The following ATL2 variants were observed in gnomAD, a reference collection of about 807,000 sequenced individuals.
ATL2 encodes the protein atlastin-2.
In ATL2, 31 loss-of-function variants were observed where a neutral mutation model predicts 73.9. The ratio of observed to expected loss-of-function variants is 0.42; its 90% CI spans 0.32 to 0.57. ATL2 has a LOEUF of 0.57. Among genes scored for constraint, ATL2 ranks in the 20% least tolerant of loss-of-function variants. The pLI is 0.14. For synonymous variants in ATL2, 291 were observed against 237.5 expected (o/e 1.23, Z -2.07); for missense variants, 738 against 702.6 (o/e 1.05, Z -0.57).
intron 1 of ATL2, among the ~76,000 whole-genome samples, chr2:38,351,739 C>T (rs539655060): frequency 2.6e-5 from 4 of 151,974 alleles, no homozygotes; most frequent in East Asian, 1.9e-4. Context: ...GCGATCCACC[C>T]GCCTCCGCCT....
chr2:38,300,280 T>A lies in ATL2; in HGVS notation c.1120A>T (p.Met374Leu), dbSNP rs986051692. Residue 374 changes from methionine to leucine, a missense_variant, in exon 10 of 13, where the codon ATG (methionine) becomes TTG (leucine). Physicochemically the swap from Met to Leu is conservative, Grantham distance 15. Transcript: ENST00000378954. ...QGEELPHPKS[M>L]LQATAEANNL... ...ACTCTCTCTCTCTCTACCTGAAGCATGGACTTTGGATGTGGAAGTTCTTCT... is the reference window on the plus strand; with the variant it reads ...ACTCTCTCTCTCTCTACCTGAAGCAAGGACTTTGGATGTGGAAGTTCTTCT... The A allele has an allele frequency of 4.4e-6, 7 of 1,601,404 alleles. No individual in the cohort carries two copies. The highest frequency in any genetic ancestry group is 6.0e-6 in the Non-Finnish European group (7 of 1,168,996).
At chr2:38,328,969 AAAG>A (rs749089346) in intron 2 of ATL2, among the ~76,000 whole-genome samples, 3 of 151,908 alleles carry the variant, frequency 2.0e-5, no homozygotes, top group Non-Finnish European at 2.9e-5. Flanking sequence ...ATCAGAAATC[AAAG>A]AAGAATCTTC....
intron 9 of ATL2, among the ~76,000 whole-genome samples, chr2:38,309,109 G>A (rs576660613): frequency 6.6e-6 from 1 of 152,226 alleles, no homozygotes; most frequent in South Asian, 2.1e-4. Flanking sequence ...ATTAGAGTAT[G>A]ATGAATGGCT....
At chr2:38,324,047 G>A (rs1396082473) in intron 2 of ATL2, among the ~76,000 whole-genome samples, 3 of 152,182 alleles carry the variant, frequency 2.0e-5, no homozygotes, top group South Asian at 2.1e-4. Flanking sequence ...AAGCCGAGGC[G>A]GGCGGATCAC....
intron 1 of ATL2, among the ~76,000 whole-genome samples, chr2:38,373,541 T>C (rs1558466389): frequency 6.6e-6 from 1 of 152,182 alleles, no homozygotes; most frequent in Admixed American, 6.5e-5. Context: ...TGTTAGTCTT[T>C]TATGACTTAA....
At chr2:38,296,728 A>T (rs1298514775) in intron 12 of ATL2, 1 of 1,551,206 alleles carries the variant, frequency 6.4e-7, no homozygotes, top group East Asian at 2.4e-5. Context: ...AGAAATGCAA[A>T]GAAATTTAGA....
chr2:38,356,204 T>C (rs1030351375), intron 1 of ATL2, among the ~76,000 whole-genome samples: 11 of 152,144 alleles, frequency 7.2e-5, no homozygotes, highest in African/African-American at 2.4e-4. Flanking sequence ...CTACTCAGTA[T>C]TTTTTACTTT....
chr2:38,325,162 G>C (rs912210817), intron 2 of ATL2, among the ~76,000 whole-genome samples: 3 of 152,216 alleles, frequency 2.0e-5, no homozygotes, highest in Non-Finnish European at 2.9e-5. Context: ...TGGACTTCCA[G>C]TGTCAGCTTT....
intron 2 of ATL2, 78 bp downstream of exon 2, chr2:38,343,178 AGATATAGTTCTG>A: frequency 5.9e-6 from 2 of 341,304 alleles, no homozygotes; most frequent in Non-Finnish European, 1.0e-5. Context: ...AAAAAAAAAA[AGATATAGTTCTG>A]GTTTTTGTCT....
chr2:38,374,377 A>G (rs1671849425), intron 1 of ATL2, among the ~76,000 whole-genome samples: 1 of 152,252 alleles, frequency 6.6e-6, no homozygotes, highest in Non-Finnish European at 1.5e-5. Flanking sequence ...TAGAAAGTAA[A>G]TAATACACCT....
chr2:38,353,422 G>C (rs1286066307), intron 1 of ATL2, among the ~76,000 whole-genome samples: 1 of 152,076 alleles, frequency 6.6e-6, no homozygotes, highest in East Asian at 1.9e-4. Context: ...AGAGAAAAAA[G>C]AATAAAGAAA....
rs61758717 is a variant in ATL2 at position 38,310,373 on chromosome 2, G to A, written c.879C>T (p.Cys293=). Residue 293 remains cysteine (C), a synonymous_variant, in exon 8 of 13, where the codon TGC becomes TGT. Transcript: ENST00000378954. Reference sequence around the variant, plus strand: ...TAAGACCAGGATGTGGCAAAAGGAAGCAACCAAGATTTGAGAAACAATTGT... The same window carrying A: ...TAAGACCAGGATGTGGCAAAAGGAAACAACCAAGATTTGAGAAACAATTGT... ...HIHNCFSNLG[C]FLLPHPGLKV... The A allele has an allele frequency of 3.2e-5, 52 of 1,609,548 alleles. No individual in the cohort carries two copies. In the South Asian group the frequency reaches 4.4e-4, roughly 14 times the overall value.
At chr2:38,316,574 C>T (rs540545034) in intron 4 of ATL2, among the ~76,000 whole-genome samples, 15 of 152,152 alleles carry the variant, frequency 9.9e-5, no homozygotes, top group Admixed American at 2.0e-4. Context: ...CCCCCCCACC[C>T]AAAGGCAAGG....
chr2:38,320,389 A>C (rs759715756), intron 2 of ATL2, among the ~76,000 whole-genome samples: 1 of 152,192 alleles, frequency 6.6e-6, no homozygotes, highest in Non-Finnish European at 1.5e-5. Flanking sequence ...TCCGGGAGGT[A>C]AGGAAAAAAG....
At chr2:38,362,163 T>C (rs1439053271) in intron 1 of ATL2, among the ~76,000 whole-genome samples, 1 of 152,144 alleles carries the variant, frequency 6.6e-6, no homozygotes, top group African/African-American at 2.4e-5. Flanking sequence ...AAAGGGCTTG[T>C]TTTTGCTTGG....
At chr2:38,377,402 C>T (rs1196498449), upstream of ATL2, 2 of 656,282 alleles carry the variant, frequency 3.0e-6, no homozygotes, top group Non-Finnish European at 5.0e-6. Context: ...TGTATCTCCT[C>T]GCCCTCCGCC....
intron 1 of ATL2, among the ~76,000 whole-genome samples, chr2:38,350,810 T>C (rs1165601596): frequency 6.6e-6 from 1 of 152,212 alleles, no homozygotes; most frequent in African/African-American, 2.4e-5. Flanking sequence ...CCTGTCTTTT[T>C]GTTGTCTAAT....
At position 38,318,650 on chromosome 2, in the gene ATL2, G is replaced by T. The variant is rs777244611; in HGVS notation, c.499-11C>A. 1 of 1,570,184 alleles carries T rather than the reference G, an allele frequency of 6.4e-7. No individual in the cohort carries two copies. The highest frequency in any genetic ancestry group is 1.2e-5 in the South Asian group (1 of 84,578). On this transcript the variant is annotated splice_polypyrimidine_tract_variant and intron_variant, in intron 3 of 12. Transcript: ENST00000378954. ...AAGCAGCACAGCAACCTAGGAATTT[G>T]AGAGTTTAAAATATTTAGTAAAACA...
chr2:38,377,493 G>C (rs1672064211), upstream of ATL2, among the ~76,000 whole-genome samples: 1 of 140,258 alleles, frequency 7.1e-6, no homozygotes. Flanking sequence ...CTGCAGATCC[G>C]TCTCCCCGGC....
Sources: gnomAD v4.1 joint callset for allele counts (sites outside exome capture counted in the v4.1 genomes callset) on GRCh38, gnomAD v4.1.1 for gene constraint, MANE v1.5 for transcripts, NCBI Gene and HGNC (gene_info 2026-07-23, HGNC 2026-07-21) for gene names.